The following STK39 variants were observed in gnomAD, a reference collection of about 807,000 sequenced individuals.
STK39 encodes the protein STE20/SPS1-related proline-alanine-rich protein kinase.
A neutral mutation model predicts 77.8 loss-of-function variants in STK39; 20 were observed. The observed-to-expected ratio is 0.26, with a 90% CI of 0.18 to 0.37. The LOEUF (loss-of-function observed/expected upper bound fraction) is 0.37, where lower values mean the gene tolerates loss of function less well. STK39 is among the 10% of genes least tolerant of loss of function. The probability of loss-of-function intolerance (pLI) is 1.00; values close to 1 mark genes in which losing one functional copy is unlikely to be tolerated. For missense variants in STK39, 479 were observed against 656.5 expected (o/e 0.73, Z 2.95); for synonymous variants, 246 against 234.1 (o/e 1.05, Z -0.47).
At chr2:168,035,520 C>T (rs1212998618) in intron 14 of STK39, among the ~76,000 whole-genome samples, 2 of 152,082 alleles carry the variant, frequency 1.3e-5, no homozygotes, top group Non-Finnish European at 2.9e-5. Context: ...ATTAGGTAGA[C>T]GTGATCAAGT....
intron 1 of STK39, among the ~76,000 whole-genome samples, chr2:168,236,837 T>C (rs2105272306): frequency 6.6e-6 from 1 of 152,258 alleles, no homozygotes; most frequent in East Asian, 1.9e-4. Context: ...TACCATGCTG[T>C]TTTGGTTACT....
chr2:168,148,144 T>C (rs932086966), intron 5 of STK39, among the ~76,000 whole-genome samples: 13 of 152,228 alleles, frequency 8.5e-5, no homozygotes, highest in African/African-American at 3.1e-4. Context: ...TGGTATACTT[T>C]AGCAAAGTGC....
At chr2:167,981,924 T>A (rs1253950316) in intron 16 of STK39, among the ~76,000 whole-genome samples, 1 of 152,162 alleles carries the variant, frequency 6.6e-6, no homozygotes, top group East Asian at 1.9e-4. Context: ...AAGGGTGGCA[T>A]GGGCAGCTAA....
chr2:168,114,543 T>A (rs188389498), intron 10 of STK39, among the ~76,000 whole-genome samples: 4 of 152,160 alleles, frequency 2.6e-5, no homozygotes, highest in Non-Finnish European at 5.9e-5. Flanking sequence ...AGAGAAGCCA[T>A]GTGATTACAT....
intron 16 of STK39, among the ~76,000 whole-genome samples, chr2:167,995,831 C>CA (rs1683824957): frequency 6.6e-6 from 1 of 152,146 alleles, no homozygotes; most frequent in Non-Finnish European, 1.5e-5. Context: ...CAGAAATTGT[C>CA]AGAGAGCTGG....
chr2:168,048,140 C>T (rs1313025589), intron 14 of STK39, among the ~76,000 whole-genome samples: 1 of 136,722 alleles, frequency 7.3e-6, no homozygotes. Flanking sequence ...TGATTAAGAT[C>T]CTTATCAAGT....
At chr2:168,025,841 CG>C (rs1684682678) in intron 14 of STK39, among the ~76,000 whole-genome samples, 1 of 152,200 alleles carries the variant, frequency 6.6e-6, no homozygotes, top group South Asian at 2.1e-4. Flanking sequence ...CTGCTCATCC[CG>C]GGGCCTTCCT....
intron 15 of STK39, among the ~76,000 whole-genome samples, chr2:168,016,406 A>AAAC (rs1382756063): frequency 6.7e-6 from 1 of 148,488 alleles, no homozygotes; most frequent in African/African-American, 2.6e-5. Flanking sequence ...AAAAAAAAAA[A>AAAC]AAAAAAACAA....
At chr2:168,097,029 C>T (rs533379516) in intron 10 of STK39, among the ~76,000 whole-genome samples, 1 of 152,222 alleles carries the variant, frequency 6.6e-6, no homozygotes, top group African/African-American at 2.4e-5. Flanking sequence ...GGGTCCTTGT[C>T]CTACTAAACT....
intron 2 of STK39, among the ~76,000 whole-genome samples, chr2:168,175,420 T>C (rs1224491573): frequency 2.0e-5 from 3 of 152,100 alleles, no homozygotes; most frequent in African/African-American, 7.2e-5. Flanking sequence ...TTGCTTACTT[T>C]CTGAAAAAAA....
intron 2 of STK39, among the ~76,000 whole-genome samples, chr2:168,169,366 C>T (rs567050534): frequency 4.6e-4 from 70 of 152,248 alleles, no homozygotes; most frequent in Non-Finnish European, 3.1e-4. Context: ...AAACAGATGC[C>T]TAGTGTTCAA....
At chr2:168,163,265 C>T (rs1688621405) in intron 4 of STK39, among the ~76,000 whole-genome samples, 1 of 152,086 alleles carries the variant, frequency 6.6e-6, no homozygotes, top group African/African-American at 2.4e-5. Context: ...TCCCTCTCAC[C>T]ACCACATCAA....
intron 10 of STK39, among the ~76,000 whole-genome samples, chr2:168,081,747 G>A (rs559037120): frequency 7.6e-4 from 115 of 152,230 alleles, no homozygotes; most frequent in African/African-American, 2.5e-3. Context: ...GGAGGAACCC[G>A]GTGGGAGGTA....
At chr2:168,139,368 C>T (rs956062206) in intron 7 of STK39, among the ~76,000 whole-genome samples, 2 of 149,868 alleles carry the variant, frequency 1.3e-5, no homozygotes, top group African/African-American at 5.0e-5. Flanking sequence ...TACCCACACA[C>T]ACACAAATAC....
chr2:168,143,751 C>T (rs1182923530), intron 5 of STK39, among the ~76,000 whole-genome samples: 1 of 151,974 alleles, frequency 6.6e-6, no homozygotes, highest in African/African-American at 2.4e-5. Flanking sequence ...CCTGTCCCCT[C>T]AGGAAAAAGT....
At chr2:168,244,140 A>C (rs1517325) in intron 1 of STK39, among the ~76,000 whole-genome samples, 114,376 of 152,118 alleles carry the variant, frequency 0.75, 44,421 homozygotes, top group Non-Finnish European at 0.86. Flanking sequence ...GAATAAACTT[A>C]TGAACCAGAA....
At chr2:167,956,647 C>T (rs112159018) in intron 17 of STK39, among the ~76,000 whole-genome samples, 1,602 of 145,278 alleles carry the variant, frequency 0.011, 33 homozygotes, top group African/African-American at 0.028. Context: ...CTTGTGACCT[C>T]TCCCCCTTGC....
At chr2:168,233,967 T>G (rs905965485) in intron 1 of STK39, among the ~76,000 whole-genome samples, 3 of 152,210 alleles carry the variant, frequency 2.0e-5, no homozygotes, top group African/African-American at 7.2e-5. Context: ...CAAAACTATT[T>G]TCCTAAGTCG....
intron 5 of STK39, among the ~76,000 whole-genome samples, chr2:168,158,346 G>A (rs1207400053): frequency 1.3e-5 from 2 of 152,212 alleles, no homozygotes; most frequent in Non-Finnish European, 2.9e-5. Context: ...TCTGAAAAGA[G>A]TGTGGTGTCA....
Sources: gnomAD v4.1 joint callset for allele counts (sites outside exome capture counted in the v4.1 genomes callset) on GRCh38, gnomAD v4.1.1 for gene constraint, MANE v1.5 for transcripts, NCBI Gene and HGNC (gene_info 2026-07-23, HGNC 2026-07-21) for gene names.